The following MAOA variants were observed in gnomAD, a reference collection of about 807,000 sequenced individuals.
MAOA encodes amine oxidase [flavin-containing] A.
A neutral mutation model predicts 42.0 loss-of-function variants in MAOA; 6 were observed. The observed-to-expected ratio is 0.14, with a 90% CI of 0.08 to 0.28. MAOA has a LOEUF of 0.28. Ranked by LOEUF, MAOA falls within the 10% of genes least tolerant of loss-of-function variation. The probability of loss-of-function intolerance (pLI) is 1.00; values close to 1 mark genes in which losing one functional copy is unlikely to be tolerated. For missense variants in MAOA, 262 were observed against 422.3 expected (o/e 0.62, Z 3.33); for synonymous variants, 140 against 154.0 (o/e 0.91, Z 0.67).
At chrX:43,682,032 C>A (rs1436026380) in intron 1 of MAOA, among the ~76,000 whole-genome samples, 1 of 110,156 alleles carries the variant, frequency 9.1e-6, no homozygotes, top group Non-Finnish European at 1.9e-5. Context: ...CAGGTGCCCA[C>A]CACCATGCCC....
intron 1 of MAOA, among the ~76,000 whole-genome samples, chrX:43,666,483 A>G (rs1340253672): frequency 9.1e-6 from 1 of 110,497 alleles, no homozygotes; most frequent in Non-Finnish European, 1.9e-5. Flanking sequence ...TCCCACAACA[A>G]CTGCAACCAC....
Position 43,744,577 on chromosome X carries a change from G to A in MAOA, c.*64G>A, listed in dbSNP as rs2033985874. ...ACCACCAAGAGGAAAATATTGACAA[G>A]TTTAAAGGCTGTGTCATTGGGCCAT... is the stretch of plus-strand genomic sequence containing the variant. On this transcript the variant is annotated 3_prime_UTR_variant, in exon 15 of 15. Transcript: ENST00000338702. The A allele has an allele frequency of 8.9e-7, 1 of 1,129,277 alleles. No individual in the cohort carries two copies. The highest frequency in any genetic ancestry group is 1.2e-6 in the Non-Finnish European group (1 of 822,797). 93.1% of individuals were successfully genotyped at this position (1,129,277 alleles called of 1,213,427 possible). A position where few individuals can be genotyped will look rare whatever the true frequency, so the allele number is the denominator to read the frequency against.
intron 1 of MAOA, among the ~76,000 whole-genome samples, chrX:43,657,156 TTA>T (rs1172612833): frequency 1.1e-5 from 1 of 91,459 alleles, no homozygotes; most frequent in Non-Finnish European, 2.1e-5. Flanking sequence ...TGAACTGTGT[TTA>T]TATATATATA....
intron 1 of MAOA, among the ~76,000 whole-genome samples, chrX:43,674,576 A>G (rs1271261195): frequency 1.5e-3 from 159 of 109,481 alleles, no homozygotes; most frequent in Non-Finnish European, 1.2e-3. Context: ...ATTTTGCAGC[A>G]GCTGGTACCG....
At chrX:43,715,383 C>T (rs999216801) in intron 5 of MAOA, among the ~76,000 whole-genome samples, 4 of 110,723 alleles carry the variant, frequency 3.6e-5, no homozygotes, top group African/African-American at 1.3e-4. Flanking sequence ...GAATGGTCTA[C>T]AGGAGCTAGG....
At chrX:43,673,344 G>A (rs1353248532) in intron 1 of MAOA, among the ~76,000 whole-genome samples, 1 of 108,545 alleles carries the variant, frequency 9.2e-6, no homozygotes, top group African/African-American at 3.4e-5. Context: ...TTCTTTATTA[G>A]CCTTGCTAGC....
chrX:43,718,199 G>A (rs901505383), intron 5 of MAOA, among the ~76,000 whole-genome samples: 7 of 107,520 alleles, frequency 6.5e-5, no homozygotes, highest in Admixed American at 9.9e-5. Flanking sequence ...TGGGTGGATG[G>A]TATCTTCCAA....
intron 5 of MAOA, 97 bp downstream of exon 5, chrX:43,712,893 G>GA (rs1174685545): frequency 8.4e-5 from 50 of 597,448 alleles, no homozygotes; most frequent in African/African-American, 2.5e-4. Flanking sequence ...ACAACTTACA[G>GA]AAAAAAAGAG....
In MAOA at chrX:43,740,666, GGC is replaced by G; in HGVS notation, c.1107-14_1107-13del. The G allele has an allele frequency of 1.0e-6, 1 of 994,616 alleles. No homozygotes were observed. Among genetic ancestry groups the G allele is most frequent in the Non-Finnish European group, 1.3e-6 (1 of 766,268 alleles). The allele number at this position is 994,616 out of a possible 1,213,427, so 82.0% of individuals were successfully genotyped here. A position where few individuals can be genotyped will look rare whatever the true frequency, so the allele number is the denominator to read the frequency against. Reference sequence around the variant, plus strand: ...CCTAACTTTATTTTTTTTTTTTTTTGGCTCTGTTTTATAGGAAGAAGAAAATC... The same window carrying G: ...CCTAACTTTATTTTTTTTTTTTTTTGTCTGTTTTATAGGAAGAAGAAAATC... On this transcript the variant is annotated splice_polypyrimidine_tract_variant and intron_variant, in intron 10 of 14. Coordinates refer to ENST00000338702, the MANE Select transcript of MAOA (RefSeq NM_000240.4).
At chrX:43,693,968 C>T (rs2033558243) in intron 3 of MAOA, among the ~76,000 whole-genome samples, 3 of 111,712 alleles carry the variant, frequency 2.7e-5, no homozygotes, top group Admixed American at 9.5e-5. Context: ...TTCCTCTGTA[C>T]CTGGCCTTCA....
At chrX:43,696,252 A>G (rs923435274) in intron 3 of MAOA, among the ~76,000 whole-genome samples, 1 of 111,479 alleles carries the variant, frequency 9.0e-6, no homozygotes, top group Non-Finnish European at 1.9e-5. Flanking sequence ...TCCTGTTCCT[A>G]AAGAAAAAAC....
Position 43,731,911 on chromosome X carries a change from G to C in MAOA, c.955+58G>C, listed in dbSNP as rs1601947636. Reference sequence around the variant, plus strand: ...TATATGAAGAAATCACAGTCTTTTAGGATTATTGAACAGAAGGTATTGAAC... The same window carrying C: ...TATATGAAGAAATCACAGTCTTTTACGATTATTGAACAGAAGGTATTGAAC... On this transcript the variant is annotated intron_variant, in intron 8 of 14. Coordinates refer to ENST00000338702, the MANE Select transcript of MAOA (RefSeq NM_000240.4). 12 of 1,044,124 alleles carry C rather than the reference G, an allele frequency of 1.1e-5. No individual in the cohort carries two copies. The East Asian group carries it at 3.3e-4, about 29-fold the overall frequency. 86.0% of individuals were successfully genotyped at this position (1,044,124 alleles called of 1,213,427 possible).
chrX:43,712,679 T>A (rs752079617), intron 4 of MAOA, 26 bp from the exon 5 acceptor site: 1 of 1,082,120 alleles, frequency 9.2e-7, no homozygotes, highest in East Asian at 3.0e-5. Context: ...CCATCAAACC[T>A]GAGAGGGGAC....
chrX:43,717,370 T>C (rs140819552), intron 5 of MAOA, among the ~76,000 whole-genome samples: 1,483 of 110,959 alleles, frequency 0.013, 26 homozygotes, highest in African/African-American at 0.045. Flanking sequence ...GATGTTATCA[T>C]TCAAGATGAT....
intron 5 of MAOA, among the ~76,000 whole-genome samples, chrX:43,714,400 A>G (rs1205521543): frequency 9.0e-6 from 1 of 110,565 alleles, no homozygotes; most frequent in Non-Finnish European, 1.9e-5. Context: ...GGTGTTTGCC[A>G]TGGATGAACC....
At chrX:43,667,636 G>C (rs745928673) in intron 1 of MAOA, among the ~76,000 whole-genome samples, 1 of 111,440 alleles carries the variant, frequency 9.0e-6, no homozygotes, top group East Asian at 2.8e-4. Context: ...CTTAATGTTT[G>C]TGTGTACTAG....
At chrX:43,690,193 T>C (rs1399770950) in intron 2 of MAOA, among the ~76,000 whole-genome samples, 3 of 109,889 alleles carry the variant, frequency 2.7e-5, no homozygotes, top group Non-Finnish European at 5.7e-5. Flanking sequence ...TTTGACACCA[T>C]CTTCCATGTC....
At chrX:43,727,715 A>T (rs2033850463) in intron 5 of MAOA, among the ~76,000 whole-genome samples, 1 of 112,507 alleles carries the variant, frequency 8.9e-6, no homozygotes, top group Non-Finnish European at 1.9e-5. Flanking sequence ...TTCCTGGGAC[A>T]GTCTCTCACA....
intron 5 of MAOA, 144 bp downstream of exon 5, chrX:43,712,940 G>A (rs1223288146): frequency 4.1e-6 from 2 of 488,249 alleles, no homozygotes. Context: ...GCAATGTTGA[G>A]GGCACCTCAA....
Sources: allele counts gnomAD v4.1 joint callset (sites outside exome capture counted in the v4.1 genomes callset), GRCh38; gene constraint gnomAD v4.1.1; transcripts MANE v1.5; gene names NCBI Gene and HGNC (gene_info 2026-07-23, HGNC 2026-07-21).